Variants in GRID1 observed in about 807,000 individuals in gnomAD.
The protein encoded by GRID1 is glutamate ionotropic receptor delta type subunit 1.
Under a neutral mutation model 98.0 loss-of-function variants are expected in GRID1, and 28 were observed. The observed-to-expected ratio is 0.29, with a 90% CI of 0.21 to 0.39. The LOEUF (loss-of-function observed/expected upper bound fraction) is 0.39. GRID1 is among the 10% of genes least tolerant of loss of function. The probability of loss-of-function intolerance (pLI) is 1.00; values close to 1 mark genes in which losing one functional copy is unlikely to be tolerated. For synonymous variants in GRID1, 553 were observed against 538.5 expected (o/e 1.03, Z -0.37); for missense variants, 1,111 against 1,340.5 (o/e 0.83, Z 2.67).
At chr10:85,991,611 A>G (rs1842681220) in intron 4 of GRID1, among the ~76,000 whole-genome samples, 1 of 152,198 alleles carries the variant, frequency 6.6e-6, no homozygotes, top group Admixed American at 6.5e-5. Flanking sequence ...GCTGATGCTG[A>G]TATCATAGAC....
chr10:86,338,236 T>C (rs1291133012), intron 2 of GRID1, among the ~76,000 whole-genome samples: 3 of 150,938 alleles, frequency 2.0e-5, no homozygotes, highest in Non-Finnish European at 4.4e-5. Context: ...GTTGCACTGA[T>C]TGGTTCATGG....
At chr10:86,326,086 A>G (rs1275433219) in intron 2 of GRID1, among the ~76,000 whole-genome samples, 1 of 152,256 alleles carries the variant, frequency 6.6e-6, no homozygotes, top group African/African-American at 2.4e-5. Context: ...CGTGTATGGG[A>G]GCACTCCCAA....
At chr10:85,798,988 C>A (rs1842551600) in intron 8 of GRID1, among the ~76,000 whole-genome samples, 1 of 151,844 alleles carries the variant, frequency 6.6e-6, no homozygotes. Flanking sequence ...GTTTGGGGGT[C>A]TAACATTTTA....
At chr10:85,761,169 C>T (rs1316532607) in intron 8 of GRID1, among the ~76,000 whole-genome samples, 2 of 152,218 alleles carry the variant, frequency 1.3e-5, no homozygotes, top group African/African-American at 2.4e-5. Context: ...AATTTTTCCA[C>T]TCAACAGTGC....
In GRID1 at chr10:85,994,000, C is replaced by T. The variant is rs533849295; in HGVS notation, c.727-77761G>A. On this transcript the variant is annotated intron_variant, in intron 4 of 15. Coordinates refer to ENST00000327946, the MANE Select transcript of GRID1 (RefSeq NM_017551.3). Reference sequence around the variant, plus strand: ...AAATATGGAGCAGGTGCCCCTTCCACGGAGATGGACATTGCAACTTTTAAC... The same window carrying T: ...AAATATGGAGCAGGTGCCCCTTCCATGGAGATGGACATTGCAACTTTTAAC... Among the ~76,000 whole-genome samples, 5 of 152,282 alleles carry T rather than the reference C, an allele frequency of 3.3e-5. 1 individual carries two copies. Among genetic ancestry groups the T allele is most frequent in the South Asian group, 4.1e-4 (2 of 4,822 alleles).
chr10:85,858,879 A>T (rs1258273464), intron 6 of GRID1, among the ~76,000 whole-genome samples: 1 of 152,200 alleles, frequency 6.6e-6, no homozygotes, highest in East Asian at 1.9e-4. Flanking sequence ...TCACTTCAGC[A>T]CTTCTATTCA....
chr10:85,679,373 C>T (rs1195816007), intron 12 of GRID1, among the ~76,000 whole-genome samples: 1 of 152,222 alleles, frequency 6.6e-6, no homozygotes, highest in Non-Finnish European at 1.5e-5. Flanking sequence ...AATTCACTAA[C>T]TCCCACAATG....
At chr10:86,171,896 AG>A (rs1342075867) in intron 3 of GRID1, among the ~76,000 whole-genome samples, 4 of 152,334 alleles carry the variant, frequency 2.6e-5, no homozygotes, top group Admixed American at 2.0e-4. Context: ...ACCTGGAGTT[AG>A]AAACCCTACG....
chr10:85,840,243 C>T (rs183556044), intron 8 of GRID1, among the ~76,000 whole-genome samples: 127 of 152,232 alleles, frequency 8.3e-4, no homozygotes, highest in African/African-American at 2.9e-3. Flanking sequence ...GGACTCCTCC[C>T]TATCTCATTC....
At chr10:85,883,406 C>G (rs1841063733) in intron 5 of GRID1, among the ~76,000 whole-genome samples, 1 of 152,126 alleles carries the variant, frequency 6.6e-6, no homozygotes, top group East Asian at 1.9e-4. Flanking sequence ...CATTTCAGAT[C>G]TGATTAAACT....
chr10:86,366,360 C>G lies in GRID1; in HGVS notation c.33G>C (p.Trp11Cys). 6.6e-7 allele frequency: 1 copy of G among 1,522,460 alleles called. No individual in the cohort carries two copies. The highest frequency in any genetic ancestry group is 8.8e-7 in the Non-Finnish European group (1 of 1,133,250). The allele number at this position is 1,522,460 out of a possible 1,614,324, so 94.3% of individuals were successfully genotyped here. A position where few individuals can be genotyped will look rare whatever the true frequency, so the allele number is the denominator to read the frequency against. MEALTLWLLPWICQCVSVRAD... is the reference protein window; with the variant it reads MEALTLWLLPCICQCVSVRAD... ...CCCGCACCGACACGCACTGGCATAT[C>G]CAGGGGAGAAGCCACAGCGTCAGCG... The change falls in exon 1 of 16, where the codon TGG becomes TGC. Residue 11 changes from tryptophan to cysteine, a missense_variant. Trp to Cys is a radical substitution (Grantham distance 215). Transcript: ENST00000327946. The surrounding 1 kb of genome is among the most constrained non-coding windows in gnomAD (Gnocchi z 4.1).
intron 4 of GRID1, among the ~76,000 whole-genome samples, chr10:86,061,852 T>C (rs549342147): frequency 8.5e-5 from 13 of 152,326 alleles, no homozygotes; most frequent in African/African-American, 2.9e-4. Flanking sequence ...TTTGGTTTTG[T>C]TTTGGGCTTT....
chr10:85,838,367 C>A (rs1842930434), intron 8 of GRID1, among the ~76,000 whole-genome samples: 1 of 152,134 alleles, frequency 6.6e-6, no homozygotes, highest in Non-Finnish European at 1.5e-5. Flanking sequence ...TCATCAGATT[C>A]TCCAAGGTTA....
intron 2 of GRID1, among the ~76,000 whole-genome samples, chr10:86,363,716 G>C (rs933710041): frequency 6.6e-6 from 1 of 152,198 alleles, no homozygotes; most frequent in African/African-American, 2.4e-5. Flanking sequence ...AAGAACACCA[G>C]CTCCCCGCGC....
At chr10:86,252,593 C>G (rs1846854653) in intron 2 of GRID1, among the ~76,000 whole-genome samples, 1 of 152,262 alleles carries the variant, frequency 6.6e-6, no homozygotes, top group African/African-American at 2.4e-5. Context: ...AGAAACTCAT[C>G]TTCCCCCTAA....
intron 8 of GRID1, among the ~76,000 whole-genome samples, chr10:85,816,745 T>G (rs931628117): frequency 3.3e-5 from 5 of 152,200 alleles, no homozygotes; most frequent in African/African-American, 9.7e-5. Context: ...TGTGCAGGTT[T>G]GTTATATAGG....
chr10:85,906,434 A>G (rs920127416), intron 5 of GRID1, among the ~76,000 whole-genome samples: 2 of 152,192 alleles, frequency 1.3e-5, no homozygotes, highest in Non-Finnish European at 2.9e-5. Context: ...CATTCCACAC[A>G]ACAGCAGATA....
In GRID1 at chr10:85,679,510, C is replaced by T. The variant is rs183002674; in HGVS notation, c.1998-32113G>A. Among the ~76,000 whole-genome samples, 277 of 152,298 alleles carry T rather than the reference C, an allele frequency of 1.8e-3. 1 individual carries two copies. Among genetic ancestry groups the T allele is most frequent in the Middle Eastern group, 0.014 (4 of 294 alleles). On this transcript the variant is annotated intron_variant, in intron 12 of 15. Transcript: ENST00000327946. ...ACCTAAATGGATCTGGGGAGGCCTG[C>T]TGGAGGAGGGAACAATTGAATTGAC...
intron 9 of GRID1, among the ~76,000 whole-genome samples, chr10:85,729,023 A>G (rs1460903905): frequency 2.0e-5 from 3 of 152,184 alleles, no homozygotes; most frequent in Non-Finnish European, 4.4e-5. Context: ...AAAGTCTATG[A>G]TTCCAGGACA....
Sources: allele counts gnomAD v4.1 joint callset (sites outside exome capture counted in the v4.1 genomes callset), GRCh38; gene constraint gnomAD v4.1.1; non-coding constraint Gnocchi (gnomAD v3.1); transcripts MANE v1.5; gene names NCBI Gene and HGNC (gene_info 2026-07-23, HGNC 2026-07-21).